PPP2R5C: variants seen among roughly 807,000 people sequenced by gnomAD.
PPP2R5C encodes serine/threonine-protein phosphatase 2A 56 kDa regulatory subunit gamma isoform.
A neutral mutation model predicts 68.9 loss-of-function variants in PPP2R5C; 7 were observed. That is an observed-to-expected ratio of 0.10 (90% CI 0.06 to 0.19). The LOEUF is 0.19. Among genes scored for constraint, PPP2R5C ranks in the 10% least tolerant of loss-of-function variants. The pLI, the probability that PPP2R5C is intolerant of heterozygous loss-of-function variation, is 1.00. For missense variants in PPP2R5C, 348 were observed against 641.3 expected (o/e 0.54, Z 4.94); for synonymous variants, 210 against 222.2 (o/e 0.95, Z 0.49).
rs1159898841 is a variant in PPP2R5C, at chr14:101,872,322, A to T, written c.295-9839A>T. 2.1e-5 allele frequency among the ~76,000 whole-genome samples: 3 copies of T among 145,684 alleles called. No homozygotes were observed. The East Asian group carries it at 6.0e-4, about 29-fold the overall frequency. On this transcript the variant is annotated intron_variant, in intron 2 of 13. Coordinates refer to ENST00000334743, the Ensembl canonical transcript of PPP2R5C. ...CACTGCAGCTTTGACTTCCAGGCTC[A>T]ATCAGTCCTCCCACCTCACACCCCA...
chr14:101,855,441 GT>G (rs756947684), intron 1 of PPP2R5C, among the ~76,000 whole-genome samples: 10 of 152,156 alleles, frequency 6.6e-5, no homozygotes, highest in Non-Finnish European at 4.4e-5. Flanking sequence ...CCAAAAGTTA[GT>G]ATGGGTCGTT....
chr14:101,858,976 T>C (rs2042598575), intron 2 of PPP2R5C, among the ~76,000 whole-genome samples: 1 of 152,184 alleles, frequency 6.6e-6, no homozygotes, highest in South Asian at 2.1e-4. Flanking sequence ...CATCATTGCC[T>C]CTCCTCTCCC....
chr14:101,860,604 C>A (rs1336978770), intron 2 of PPP2R5C, among the ~76,000 whole-genome samples: 1 of 152,152 alleles, frequency 6.6e-6, no homozygotes, highest in Non-Finnish European at 1.5e-5. Flanking sequence ...GAAGAACTAC[C>A]AGACCGTTTT....
At chr14:101,903,715 C>G (rs2045854809) in intron 9 of PPP2R5C, among the ~76,000 whole-genome samples, 1 of 151,906 alleles carries the variant, frequency 6.6e-6, no homozygotes, top group African/African-American at 2.4e-5. Context: ...TCACTCTGTC[C>G]CTGAGGCTGG....
chr14:101,879,651 G>A lies in PPP2R5C; in HGVS notation c.295-2510G>A, dbSNP rs973144964. Among the ~76,000 whole-genome samples, 2 of 152,188 alleles carry A rather than the reference G, an allele frequency of 1.3e-5. No homozygotes were observed. The highest frequency in any genetic ancestry group is 4.8e-5 in the African/African-American group (2 of 41,462). On this transcript the variant is annotated intron_variant, in intron 2 of 13. Transcript: ENST00000334743. The surrounding 1 kb of genome is among the most constrained non-coding windows in gnomAD (Gnocchi z 4.2). The stretch of plus-strand genomic sequence containing the variant: ...CTGTCGGCACCAGGCCGGGCCCACA[G>A]CTCTAACCCACCGAAGAACAAAGTG...
rs146039719 is a variant in PPP2R5C, at chr14:101,779,099, C to T, written c.94-6919C>T. Reference sequence around the variant, plus strand: ...AAAATAAAGTATCTGAAAAGACATACAAAACTAGGTTTTGTCTGGGAGGAC... The same window carrying T: ...AAAATAAAGTATCTGAAAAGACATATAAAACTAGGTTTTGTCTGGGAGGAC... On this transcript the variant is annotated intron_variant, in intron 2 of 14. Transcript: ENST00000328724. Among the ~76,000 whole-genome samples the T allele has an allele frequency of 2.6e-3, 396 of 152,258 alleles. 3 individuals are homozygous for T. Among genetic ancestry groups the T allele is most frequent in the African/African-American group, 9.0e-3 (372 of 41,556 alleles).
At chr14:101,911,708 C>A (rs1281650865) in intron 11 of PPP2R5C, among the ~76,000 whole-genome samples, 1 of 152,074 alleles carries the variant, frequency 6.6e-6, no homozygotes, top group Middle Eastern at 3.4e-3. Context: ...TATTGTGAAA[C>A]CCCATCTCTA....
At chr14:101,926,478 G>A (rs1020914929) in exon 14 of PPP2R5C, 8 of 152,662 alleles carry the variant, frequency 5.2e-5, no homozygotes, top group African/African-American at 1.9e-4. Flanking sequence ...GTTTTAGATG[G>A]AATAGCACAA....
chr14:101,914,040 T>G (rs1445059759), intron 12 of PPP2R5C: 2 of 389,474 alleles, frequency 5.1e-6, no homozygotes, highest in Non-Finnish European at 1.0e-5. Context: ...CTGCACATAC[T>G]GTACGTAACC....
At chr14:101,811,592 C>T (rs2039366352) in intron 1 of PPP2R5C, among the ~76,000 whole-genome samples, 3 of 152,164 alleles carry the variant, frequency 2.0e-5, no homozygotes, top group Admixed American at 6.5e-5. Flanking sequence ...ATCCTCCCAC[C>T]TCCGCCTCCC....
intron 3 of PPP2R5C, among the ~76,000 whole-genome samples, chr14:101,800,645 C>G (rs1329012327): frequency 7.4e-6 from 1 of 135,836 alleles, no homozygotes; most frequent in African/African-American, 2.9e-5. Context: ...CTTGTTTTAG[C>G]AATACCAAAA....
At chr14:101,809,809 A>G, upstream of PPP2R5C, 1 of 1,361,682 alleles carries the variant, frequency 7.3e-7, no homozygotes, top group South Asian at 1.8e-5. Context: ...AGCGAGCTTC[A>G]TGCCTGCTGA....
intron 12 of PPP2R5C, among the ~76,000 whole-genome samples, chr14:101,914,834 A>C (rs2046575567): frequency 6.6e-6 from 1 of 152,186 alleles, no homozygotes; most frequent in Non-Finnish European, 1.5e-5. Flanking sequence ...ATCCATCAAA[A>C]GGGGCCATAT....
intron 5 of PPP2R5C, among the ~76,000 whole-genome samples, chr14:101,887,660 C>T (rs1376589378): frequency 6.6e-6 from 1 of 152,168 alleles, no homozygotes; most frequent in Non-Finnish European, 1.5e-5. Flanking sequence ...AGGCAGGACC[C>T]CCAGTCCTCC....
chr14:101,857,817 T>C (rs1479998525), intron 2 of PPP2R5C, among the ~76,000 whole-genome samples: 3 of 152,262 alleles, frequency 2.0e-5, no homozygotes, highest in Non-Finnish European at 4.4e-5. Context: ...AGTCCAATTT[T>C]CATTGAACTC....
chr14:101,815,565 T>C (rs1462774310), intron 1 of PPP2R5C, among the ~76,000 whole-genome samples: 1 of 152,226 alleles, frequency 6.6e-6, no homozygotes, highest in Non-Finnish European at 1.5e-5. Flanking sequence ...GTTGAACTTG[T>C]TCTCTGGTGA....
intron 10 of PPP2R5C, 32 bp from the exon 13 acceptor site, chr14:101,909,557 C>A: frequency 1.3e-6 from 2 of 1,484,872 alleles, no homozygotes; most frequent in Non-Finnish European, 1.9e-6. Flanking sequence ...GGAATGCGTG[C>A]TCCCAGGCTC....
chr14:101,874,568 ATATT>A (rs1239524819), intron 2 of PPP2R5C, among the ~76,000 whole-genome samples: 1 of 152,242 alleles, frequency 6.6e-6, no homozygotes, highest in Non-Finnish European at 1.5e-5. Flanking sequence ...TTATGTATAA[ATATT>A]CTAAACTCAA....
At chr14:101,765,497 AT>A (rs2036805000) in intron 2 of PPP2R5C, 1 of 493,036 alleles carries the variant, frequency 2.0e-6, no homozygotes, top group African/African-American at 1.9e-5. Context: ...CTCTCTCAGT[AT>A]TACTCTTAAC....
Sources: gnomAD v4.1 joint callset for allele counts (sites outside exome capture counted in the v4.1 genomes callset) on GRCh38, gnomAD v4.1.1 for gene constraint, Gnocchi (gnomAD v3.1) non-coding constraint, MANE v1.5 for transcripts, NCBI Gene and HGNC (gene_info 2026-07-23, HGNC 2026-07-21) for gene names.